Variants in BRAF observed in about 807,000 individuals in gnomAD.
The protein encoded by BRAF is B-Raf proto-oncogene, serine/threonine kinase, also known as serine/threonine-protein kinase B-raf.
A neutral mutation model predicts 104.6 loss-of-function variants in BRAF; 16 were observed. The observed-to-expected ratio is 0.15, with a 90% confidence interval of 0.10 to 0.23. The LOEUF (loss-of-function observed/expected upper bound fraction) is 0.23, where lower values mean the gene tolerates loss of function less well. Ranked by LOEUF, BRAF falls within the 10% of genes least tolerant of loss-of-function variation. The probability of loss-of-function intolerance (pLI) is 1.00; values close to 1 mark genes in which losing one functional copy is unlikely to be tolerated. For missense variants in BRAF, 541 were observed against 937.3 expected, an observed-to-expected ratio of 0.58 and a Z score of 5.52; for synonymous variants, 310 against 341.6, an observed-to-expected ratio of 0.91 and a Z score of 1.02.
At chr7:140,767,955 G>A (rs571040410) in intron 14 of BRAF, among the ~76,000 whole-genome samples, 2 of 152,282 alleles carry the variant, frequency 1.3e-5, no homozygotes, top group South Asian at 2.1e-4. Flanking sequence ...AAACCCCACA[G>A]AACATAGTTG....
intron 14 of BRAF, among the ~76,000 whole-genome samples, chr7:140,760,541 G>C (rs546345087): frequency 6.6e-6 from 1 of 152,108 alleles, no homozygotes; most frequent in African/African-American, 2.4e-5. Flanking sequence ...AGTCTTTTGA[G>C]AAGTTTTACT....
chr7:140,799,658 T>C (rs1010591050), intron 7 of BRAF: 1 of 232,874 alleles, frequency 4.3e-6, no homozygotes. Context: ...CTAGTTCAAA[T>C]ACCACCTTCT....
chr7:140,799,778 A>G, intron 7 of BRAF: 1 of 237,068 alleles, frequency 4.2e-6, no homozygotes, highest in East Asian at 6.1e-5. Flanking sequence ...CATAAATTGT[A>G]GATTATAATT....
chr7:140,782,894 A>T (rs2129026067), intron 11 of BRAF, 127 bp downstream of exon 10: 1 of 1,192,802 alleles, frequency 8.4e-7, no homozygotes, highest in Non-Finnish European at 1.2e-6. Context: ...ATCAGTTCTT[A>T]AATTTATTTA....
chr7:140,772,481 AG>A (rs1160121624), intron 14 of BRAF, among the ~76,000 whole-genome samples: 2 of 152,002 alleles, frequency 1.3e-5, no homozygotes, highest in Non-Finnish European at 2.9e-5. Context: ...AACATGAGCC[AG>A]GTGTGATGGT....
chr7:140,900,863 G>T (rs965943130), intron 1 of BRAF, among the ~76,000 whole-genome samples: 6 of 152,136 alleles, frequency 3.9e-5, no homozygotes, highest in Admixed American at 6.6e-5. Context: ...CAACCGCCTT[G>T]GCCTCCCAAA....
At position 140,924,848 on chromosome 7, in the gene BRAF, C is replaced by A. The variant is rs1047461668; in HGVS notation, c.-145G>T. ...GCGGGGAGGAGCGGCCCGGGCGGCG[C>A]CGCGGGCGGAGGGCGCCTGGGCCAC... On this transcript the variant is annotated 5_prime_UTR_variant, in exon 1 of 20. Transcript: ENST00000644969. This position sits in a 1 kb window ranked among gnomAD's most constrained non-coding sequence, Gnocchi z 4.2. 3 of 287,872 alleles carry A rather than the reference C, an allele frequency of 1.0e-5. No homozygotes were observed. Among genetic ancestry groups the A allele is most frequent in the African/African-American group, 2.3e-5 (1 of 43,696 alleles). 17.8% of individuals were successfully genotyped at this position (287,872 alleles called of 1,614,324 possible).
In BRAF at chr7:140,876,147, C is replaced by T. The variant is rs375718523; in HGVS notation, c.139-25935G>A. On this transcript the variant is annotated intron_variant, in intron 1 of 19. Transcript: ENST00000644969. ...AATTAATAGAAACGTAACATACAGC[C>T]AACAATAAGAGAAAAGGTGGAGAGA... Among the ~76,000 whole-genome samples, 25 of 152,186 alleles carry T rather than the reference C, an allele frequency of 1.6e-4. 1 individual carries two copies. Among genetic ancestry groups the T allele is most frequent in the African/African-American group, 5.8e-4 (24 of 41,528 alleles).
At chr7:140,749,507 T>C (rs2128994949) in intron 16 of BRAF, 89 bp from the exon 16 acceptor site, 1 of 1,409,778 alleles carries the variant, frequency 7.1e-7, no homozygotes, top group East Asian at 2.3e-5. Context: ...GCAATGCTTT[T>C]ACCATTAAAA....
Position 140,848,694 on chromosome 7 carries a change from C to T in BRAF, c.240+1417G>A, listed in dbSNP as rs17695482. ...TTGCCATTCTCATTAGCAGTACTTGCTTCCTTATGACACCTTTGATCAGCC... is the reference window on the plus strand; with the variant it reads ...TTGCCATTCTCATTAGCAGTACTTGTTTCCTTATGACACCTTTGATCAGCC... On this transcript the variant is annotated intron_variant, in intron 2 of 19. Coordinates refer to ENST00000644969, the MANE Select transcript of BRAF (RefSeq NM_001374258.1). Among the ~76,000 whole-genome samples, 1,488 of 152,314 alleles carry T rather than the reference C, an allele frequency of 9.8e-3. 25 individuals are homozygous for T. Among genetic ancestry groups the T allele is most frequent in the African/African-American group, 0.034 (1,402 of 41,574 alleles).
intron 1 of BRAF, among the ~76,000 whole-genome samples, chr7:140,918,923 A>ACGT (rs1817907802): frequency 6.6e-6 from 1 of 152,060 alleles, no homozygotes; most frequent in South Asian, 2.1e-4. Context: ...GCAGATCACG[A>ACGT]GGTCAGGAGA....
chr7:140,772,268 TA>T (rs1260923619), intron 14 of BRAF, among the ~76,000 whole-genome samples: 1 of 103,450 alleles, frequency 9.7e-6, no homozygotes, highest in African/African-American at 3.9e-5. Flanking sequence ...ACAGATTGTT[TA>T]ACTACAACAA....
intron 3 of BRAF, among the ~76,000 whole-genome samples, chr7:140,830,921 G>A (rs914384645): frequency 2.6e-5 from 4 of 152,182 alleles, no homozygotes; most frequent in Non-Finnish European, 4.4e-5. Context: ...AGTGTTTCTT[G>A]AAGTTCTGTG....
At chr7:140,888,634 G>A (rs1169043737) in intron 1 of BRAF, among the ~76,000 whole-genome samples, 7 of 152,042 alleles carry the variant, frequency 4.6e-5, no homozygotes, top group Non-Finnish European at 8.8e-5. Flanking sequence ...TTGGGAGTTC[G>A]AGACCAGCCT....
At chr7:140,820,639 T>A (rs1805375456) in intron 3 of BRAF, among the ~76,000 whole-genome samples, 1 of 152,164 alleles carries the variant, frequency 6.6e-6, no homozygotes, top group South Asian at 2.1e-4. Flanking sequence ...ATTTTTACAA[T>A]TATTCAAATA....
intron 8 of BRAF, among the ~76,000 whole-genome samples, chr7:140,793,983 A>G (rs2129037687): frequency 6.6e-6 from 1 of 152,338 alleles, no homozygotes; most frequent in Admixed American, 6.5e-5. Context: ...TTTTTATAAA[A>G]GTTTTAAAGA....
intron 3 of BRAF, among the ~76,000 whole-genome samples, chr7:140,818,742 C>T (rs553222695): frequency 6.6e-6 from 1 of 152,184 alleles, no homozygotes; most frequent in Non-Finnish European, 1.5e-5. Flanking sequence ...ATACTATATA[C>T]AACTTATTAA....
At chr7:140,840,630 A>T (rs1306068357) in intron 2 of BRAF, among the ~76,000 whole-genome samples, 1 of 151,714 alleles carries the variant, frequency 6.6e-6, no homozygotes, top group Non-Finnish European at 1.5e-5. Context: ...ATCTCTACAA[A>T]AAATACAAAA....
chr7:140,919,593 G>T (rs553639590), intron 1 of BRAF, among the ~76,000 whole-genome samples: 2 of 151,958 alleles, frequency 1.3e-5, no homozygotes, highest in African/African-American at 4.8e-5. Flanking sequence ...TGCTAATTAA[G>T]TATGTTAGTG....
Sources: gnomAD v4.1 joint callset for allele counts (sites outside exome capture counted in the v4.1 genomes callset) on GRCh38, gnomAD v4.1.1 for gene constraint, Gnocchi (gnomAD v3.1) non-coding constraint, MANE v1.5 for transcripts, NCBI Gene and HGNC (gene_info 2026-07-23, HGNC 2026-07-21) for gene names.